DLG2: variants seen among roughly 807,000 people sequenced by gnomAD.
The protein encoded by DLG2 is disks large homolog 2.
In DLG2, 45 loss-of-function variants were observed where a neutral mutation model predicts 132.5. The observed-to-expected ratio is 0.34, with a 90% CI of 0.27 to 0.44. The LOEUF (loss-of-function observed/expected upper bound fraction) is 0.44. DLG2 is among the 20% of genes least tolerant of loss of function. The probability of loss-of-function intolerance (pLI) is 1.00; values close to 1 mark genes in which losing one functional copy is unlikely to be tolerated. For synonymous variants in DLG2, 424 were observed against 419.6 expected (o/e 1.01, Z -0.13); for missense variants, 1,045 against 1,196.9 (o/e 0.87, Z 1.87).
intron 2 of DLG2, among the ~76,000 whole-genome samples, chr11:85,599,344 CTCTT>C (rs532410575): frequency 4.2e-4 from 64 of 150,698 alleles, no homozygotes; most frequent in African/African-American, 1.6e-3. Flanking sequence ...CCCCACCTCT[CTCTT>C]TCTCTCTCTC....
At chr11:85,177,305 A>C (rs575121609) in intron 4 of DLG2, among the ~76,000 whole-genome samples, 2 of 151,764 alleles carry the variant, frequency 1.3e-5, no homozygotes, top group East Asian at 3.9e-4. Flanking sequence ...ACACACACAC[A>C]CACATACATA....
intron 3 of DLG2, among the ~76,000 whole-genome samples, chr11:85,583,048 GAAAA>G (rs869261514): frequency 1.2e-4 from 11 of 91,506 alleles, no homozygotes; most frequent in African/African-American, 5.5e-4. Flanking sequence ...GAAACCAGGG[GAAAA>G]AAAAAATATA....
At chr11:84,973,487 T>C (rs1471747950) in intron 6 of DLG2, among the ~76,000 whole-genome samples, 1 of 152,112 alleles carries the variant, frequency 6.6e-6, no homozygotes, top group African/African-American at 2.4e-5. Flanking sequence ...CTCTCTTAAT[T>C]CATGGGGTCA....
At chr11:83,676,822 AT>A (rs1199845237) in intron 18 of DLG2, among the ~76,000 whole-genome samples, 2 of 152,146 alleles carry the variant, frequency 1.3e-5, no homozygotes, top group African/African-American at 4.8e-5. Flanking sequence ...CTAAGGGCCC[AT>A]TTATCCATGT....
At chr11:85,053,646 A>G (rs1194961297) in intron 6 of DLG2, among the ~76,000 whole-genome samples, 1 of 148,700 alleles carries the variant, frequency 6.7e-6, no homozygotes, top group Non-Finnish European at 1.5e-5. Context: ...AAAAAAAAAA[A>G]AAAAAATTAG....
chr11:83,699,524 G>A lies in DLG2; in HGVS notation c.1826-66199C>T, dbSNP rs370191745. 6.2e-3 allele frequency among the ~76,000 whole-genome samples: 918 copies of A among 148,748 alleles called. 16 individuals are homozygous for A. The highest frequency in any genetic ancestry group is 0.022 in the African/African-American group (870 of 40,410). On this transcript the variant is annotated intron_variant, in intron 18 of 27. Transcript: ENST00000376104. ...ATCCTGGCTAGCACAGTGAAGCCCC[G>A]TCTCTACTAAAAATACAAAAGAAAA...
intron 11 of DLG2, among the ~76,000 whole-genome samples, chr11:84,004,539 C>T (rs1447252792): frequency 1.3e-5 from 2 of 151,736 alleles, no homozygotes; most frequent in African/African-American, 2.4e-5. Context: ...ATAAGAATGC[C>T]CACAAAATAC....
intron 9 of DLG2, among the ~76,000 whole-genome samples, chr11:84,144,677 G>T (rs1202497290): frequency 3.3e-5 from 5 of 152,160 alleles, no homozygotes; most frequent in Admixed American, 2.0e-4. Flanking sequence ...AACTCAGAGA[G>T]GGGTAATGAC....
intron 14 of DLG2, 50 bp from the exon 15 acceptor site, chr11:83,930,533 G>A: frequency 1.3e-6 from 2 of 1,546,402 alleles, no homozygotes; most frequent in Non-Finnish European, 1.8e-6. Flanking sequence ...TACATACAAG[G>A]AACACCTGTG....
chr11:85,560,826 G>C (rs1214790120), intron 3 of DLG2, among the ~76,000 whole-genome samples: 1 of 151,722 alleles, frequency 6.6e-6, no homozygotes. Flanking sequence ...GAGCCCAGGA[G>C]TTTGAGACTA....
intron 6 of DLG2, among the ~76,000 whole-genome samples, chr11:84,983,633 C>T (rs111451898): frequency 3.9e-5 from 6 of 152,146 alleles, no homozygotes; most frequent in African/African-American, 1.4e-4. Flanking sequence ...AGCCATGAAT[C>T]CATACCAAGA....
Position 84,213,477 on chromosome 11 carries a change from A to T in DLG2, c.573+37761T>A, listed in dbSNP as rs571595647. Among the ~76,000 whole-genome samples the T allele has an allele frequency of 3.9e-5, 6 of 152,296 alleles. 1 individual carries two copies. The South Asian group carries it at 1.2e-3, about 32-fold the overall frequency. ...ACTAGTAGCATTGGCATTACCCAAG[A>T]GTTTATTAAAAATGTAAAATTTCCA... On this transcript the variant is annotated intron_variant, in intron 8 of 27. Coordinates refer to ENST00000376104, the MANE Select transcript of DLG2 (RefSeq NM_001142699.3).
intron 15 of DLG2, among the ~76,000 whole-genome samples, chr11:83,879,274 A>T (rs2065537786): frequency 6.6e-6 from 1 of 152,194 alleles, no homozygotes; most frequent in Non-Finnish European, 1.5e-5. Context: ...GGACAGCACA[A>T]AAAGTTTTTT....
intron 3 of DLG2, among the ~76,000 whole-genome samples, chr11:85,431,012 G>A (rs1420977071): frequency 6.6e-6 from 1 of 152,010 alleles, no homozygotes; most frequent in East Asian, 1.9e-4. Flanking sequence ...AAATGATTTT[G>A]GGTTTCAAAT....
At chr11:84,320,552 T>C (rs2098398814) in intron 7 of DLG2, among the ~76,000 whole-genome samples, 1 of 152,206 alleles carries the variant, frequency 6.6e-6, no homozygotes, top group Non-Finnish European at 1.5e-5. Flanking sequence ...ATCCGCATTC[T>C]TTTACATCTA....
chr11:84,317,227 T>G (rs971628361), intron 7 of DLG2: 2 of 1,519,498 alleles, frequency 1.3e-6, no homozygotes, highest in African/African-American at 2.8e-5. Flanking sequence ...TCCAGCCAGT[T>G]GTAAAAGTCT....
chr11:85,104,479 G>A (rs985956821), intron 6 of DLG2, among the ~76,000 whole-genome samples: 8 of 151,814 alleles, frequency 5.3e-5, no homozygotes, highest in South Asian at 2.1e-4. Flanking sequence ...ACATACTTCC[G>A]CTTATAGGAA....
At chr11:83,861,444 C>T (rs1388808483) in intron 16 of DLG2, among the ~76,000 whole-genome samples, 1 of 152,122 alleles carries the variant, frequency 6.6e-6, no homozygotes, top group Non-Finnish European at 1.5e-5. Context: ...TTTGTTGCAC[C>T]ACTGTTTATA....
chr11:85,522,124 C>A (rs1424723254), intron 3 of DLG2, among the ~76,000 whole-genome samples: 3 of 152,140 alleles, frequency 2.0e-5, no homozygotes, highest in African/African-American at 7.2e-5. Flanking sequence ...TGGGTTGGGT[C>A]CAGGGCCCTC....
Sources: allele counts gnomAD v4.1 joint callset (sites outside exome capture counted in the v4.1 genomes callset), GRCh38; gene constraint gnomAD v4.1.1; transcripts MANE v1.5; gene names NCBI Gene and HGNC (gene_info 2026-07-23, HGNC 2026-07-21).